NEDD4: variants seen among roughly 807,000 people sequenced by gnomAD.
The protein encoded by NEDD4 is E3 ubiquitin-protein ligase NEDD4.
In NEDD4, 99 loss-of-function variants were observed where a neutral mutation model predicts 144.9. That is an observed-to-expected ratio of 0.68 (90% CI 0.58 to 0.81). The LOEUF (loss-of-function observed/expected upper bound fraction) is 0.81, where lower values mean the gene tolerates loss of function less well. Among genes scored for constraint, NEDD4 ranks in the 30% least tolerant of loss-of-function variants. The pLI is 0.00. For missense variants in NEDD4, 985 were observed against 1,065.9 expected, an observed-to-expected ratio of 0.92 and a Z score of 1.06; for synonymous variants, 318 against 350.6, an observed-to-expected ratio of 0.91 and a Z score of 1.04.
At chr15:55,911,861 C>G (rs2142195672) in intron 5 of NEDD4, among the ~76,000 whole-genome samples, 1 of 152,228 alleles carries the variant, frequency 6.6e-6, no homozygotes, top group Non-Finnish European at 1.5e-5. Flanking sequence ...CAAGCATGTC[C>G]CTATTACTAG....
At chr15:55,836,764 G>A (rs1457489440) in intron 24 of NEDD4, among the ~76,000 whole-genome samples, 2 of 152,112 alleles carry the variant, frequency 1.3e-5, no homozygotes, top group Admixed American at 1.3e-4. Flanking sequence ...CTGACCTCAG[G>A]CAATCTGCCC....
At chr15:55,948,067 C>G (rs1160801829) in intron 4 of NEDD4, among the ~76,000 whole-genome samples, 1 of 152,168 alleles carries the variant, frequency 6.6e-6, no homozygotes, top group Non-Finnish European at 1.5e-5. Flanking sequence ...CGTCTCAGCC[C>G]AAAATCTCCT....
At chr15:55,971,665 G>A (rs1595883056) in intron 1 of NEDD4, among the ~76,000 whole-genome samples, 1 of 151,568 alleles carries the variant, frequency 6.6e-6, no homozygotes, top group Non-Finnish European at 1.5e-5. Flanking sequence ...AGAGGAGGTA[G>A]CAAGAGAGAT....
chr15:55,967,966 G>A (rs2037544901), intron 1 of NEDD4, among the ~76,000 whole-genome samples: 1 of 152,064 alleles, frequency 6.6e-6, no homozygotes, highest in Non-Finnish European at 1.5e-5. Context: ...GAACACCACT[G>A]CACTCCAGCC....
At chr15:55,984,307 G>T (rs971976365) in intron 1 of NEDD4, among the ~76,000 whole-genome samples, 1 of 152,272 alleles carries the variant, frequency 6.6e-6, no homozygotes, top group Non-Finnish European at 1.5e-5. Context: ...TGTTTGTTAT[G>T]AATATAACAC....
intron 11 of NEDD4, among the ~76,000 whole-genome samples, chr15:55,857,625 A>C (rs1191162311): frequency 6.6e-6 from 1 of 152,210 alleles, no homozygotes; most frequent in Non-Finnish European, 1.5e-5. Context: ...GCCCAGTCTT[A>C]AATTTTATTT....
chr15:55,839,973 C>CAAAAAAAAAAAAA (rs1157411288), intron 21 of NEDD4, among the ~76,000 whole-genome samples: 2 of 12,108 alleles, frequency 1.7e-4, no homozygotes, highest in Non-Finnish European at 2.5e-4. Flanking sequence ...CACTCTGTCT[C>CAAAAAAAAAAAAA]AAAAAAAAAA....
At chr15:55,847,339 C>G (rs1225105067) in intron 17 of NEDD4, among the ~76,000 whole-genome samples, 1 of 152,020 alleles carries the variant, frequency 6.6e-6, no homozygotes, top group African/African-American at 2.4e-5. Flanking sequence ...CAAAAATTTC[C>G]ATTTCTAAAG....
At chr15:55,927,089 AAAAAAAAAAAGAAAGAAAG>A (rs2036685194) in intron 4 of NEDD4, among the ~76,000 whole-genome samples, 1 of 150,132 alleles carries the variant, frequency 6.7e-6, no homozygotes, top group Non-Finnish European at 1.5e-5. Flanking sequence ...AAAAAAAAAA[AAAAAAAAAAAGAAAGAAAG>A]AAAAAGAAAA....
At chr15:55,922,337 T>TA (rs1237636414) in intron 5 of NEDD4, among the ~76,000 whole-genome samples, 1 of 152,174 alleles carries the variant, frequency 6.6e-6, no homozygotes, top group Non-Finnish European at 1.5e-5. Flanking sequence ...TTTTACAAAT[T>TA]AAAAAATATG....
chr15:55,898,194 T>C (rs969582510), intron 5 of NEDD4, among the ~76,000 whole-genome samples: 9 of 152,196 alleles, frequency 5.9e-5, no homozygotes, highest in African/African-American at 1.4e-4. Context: ...TTTTTCCATA[T>C]AGTGTAAGGC....
intron 1 of NEDD4, 83 bp from the exon 2 acceptor site, chr15:55,966,629 A>G (rs1426422059): frequency 5.1e-6 from 3 of 585,814 alleles, no homozygotes; most frequent in African/African-American, 1.9e-5. Flanking sequence ...TATATCAAAT[A>G]AAGTAATTAG....
At chr15:55,902,608 T>C (rs56796048) in intron 5 of NEDD4, among the ~76,000 whole-genome samples, 21,863 of 152,192 alleles carry the variant, frequency 0.14, 1,721 homozygotes, top group East Asian at 0.36. Flanking sequence ...TTCTTTCTAC[T>C]TTTGTGTATG....
chr15:55,951,933 C>T (rs62045205), intron 2 of NEDD4, among the ~76,000 whole-genome samples: 15,372 of 151,690 alleles, frequency 0.1, 833 homozygotes, highest in Middle Eastern at 0.17. Context: ...ATGATTCTGA[C>T]GCTGGTTTTG....
intron 5 of NEDD4, among the ~76,000 whole-genome samples, chr15:55,911,168 G>C (rs1417648227): frequency 6.6e-6 from 1 of 152,102 alleles, no homozygotes; most frequent in African/African-American, 2.4e-5. Context: ...TTGCCCCTAG[G>C]GGACATCTGG....
chr15:55,945,913 C>T (rs2037103305), intron 4 of NEDD4, among the ~76,000 whole-genome samples: 1 of 152,096 alleles, frequency 6.6e-6, no homozygotes. Flanking sequence ...CCAAACTAAG[C>T]TTCATAAGAA....
chr15:55,836,509 T>C (rs1436175295), intron 24 of NEDD4, among the ~76,000 whole-genome samples: 1 of 151,442 alleles, frequency 6.6e-6, no homozygotes, highest in Admixed American at 6.6e-5. Flanking sequence ...TGTGACCATA[T>C]GCACATGCCA....
chr15:55,925,954 CATACAGTATGTATATGTAAAA>C (rs2036654377), intron 4 of NEDD4, among the ~76,000 whole-genome samples: 1 of 151,484 alleles, frequency 6.6e-6, no homozygotes, highest in Non-Finnish European at 1.5e-5. Flanking sequence ...CATACTGTAT[CATACAGTATGTATATGTAAAA>C]ATACATATAC....
At chr15:55,927,293 T>C (rs1253887184) in intron 4 of NEDD4, among the ~76,000 whole-genome samples, 1 of 151,116 alleles carries the variant, frequency 6.6e-6, no homozygotes, top group South Asian at 2.1e-4. Context: ...TCTAAGGAAA[T>C]GAGACAGACA....
Sources: allele counts gnomAD v4.1 joint callset (sites outside exome capture counted in the v4.1 genomes callset), GRCh38; gene constraint gnomAD v4.1.1; transcripts MANE v1.5; gene names NCBI Gene and HGNC (gene_info 2026-07-23, HGNC 2026-07-21).